The following ITPR2 variants were observed in gnomAD, a reference collection of about 807,000 sequenced individuals.
ITPR2 encodes inositol 1,4,5-trisphosphate-gated calcium channel ITPR2.
ITPR2 carries 207 observed loss-of-function variants against 317.1 expected under a neutral mutation model. The observed-to-expected ratio is 0.65, with a 90% CI of 0.58 to 0.73. The LOEUF (loss-of-function observed/expected upper bound fraction) is 0.73. Ranked by LOEUF, ITPR2 falls within the 30% of genes least tolerant of loss-of-function variation. The pLI is 0.00. For synonymous variants in ITPR2, 1,156 were observed against 1,149.1 expected (o/e 1.01, Z -0.12); for missense variants, 2,613 against 3,284.0 (o/e 0.80, Z 4.99).
chr12:26,464,784 C>T (rs1406783783), intron 45 of ITPR2, among the ~76,000 whole-genome samples: 3 of 152,158 alleles, frequency 2.0e-5, no homozygotes, highest in South Asian at 2.1e-4. Context: ...TCACAGCAGG[C>T]GTGGTGTGCC....
Position 26,715,301 on chromosome 12 carries a change from C to T in ITPR2, c.853G>A (p.Glu285Lys). Residue 285 changes from glutamate to lysine, a missense_variant and splice_region_variant, in exon 8 of 57, where the codon GAG (glutamate) becomes AAG (lysine). This residue lies in a region of ITPR2 where 515 missense variants were observed against 789.4 expected (regional missense o/e 0.65). Transcript: ENST00000381340. ...ATSSKALWEI[E>K]VVHHDPCRGG... ...AGTGCCAAAAAACATTTACATACCT[C>T]TATTTCCCAGAGTGCTTTAGAACTA... 1 of 1,610,762 alleles carries T rather than the reference C, an allele frequency of 6.2e-7. No individual in the cohort carries two copies. Among genetic ancestry groups the T allele is most frequent in the Non-Finnish European group, 8.5e-7 (1 of 1,178,560 alleles).
At position 26,401,759 on chromosome 12, in the gene ITPR2, C is replaced by T. The variant is rs751936533; in HGVS notation, c.7400-1501G>A. 4.9e-4 allele frequency among the ~76,000 whole-genome samples: 75 copies of T among 152,192 alleles called. 1 individual carries two copies. The highest frequency in any genetic ancestry group is 9.7e-4 in the Non-Finnish European group (66 of 68,050). On this transcript the variant is annotated intron_variant, in intron 52 of 56. Transcript: ENST00000381340. ...CATGCCTACAGTGCCTTTGATACTTCGTTAAGAAAAGGCTAATTTTCCTCT... is the reference window on the plus strand; with the variant it reads ...CATGCCTACAGTGCCTTTGATACTTTGTTAAGAAAAGGCTAATTTTCCTCT...
intron 13 of ITPR2, among the ~76,000 whole-genome samples, chr12:26,675,959 A>G (rs971718841): frequency 3.3e-5 from 5 of 152,042 alleles, no homozygotes; most frequent in African/African-American, 9.7e-5. Context: ...GGAGTTCAAC[A>G]CCAGCCTGGC....
At chr12:26,507,336 A>T (rs917401822) in intron 37 of ITPR2, among the ~76,000 whole-genome samples, 8 of 152,234 alleles carry the variant, frequency 5.3e-5, no homozygotes, top group African/African-American at 1.7e-4. Context: ...AAAGGGGCCA[A>T]GTACCAAATG....
rs185988761 is a variant in ITPR2 at position 26,670,075 on chromosome 12, T to G, written c.1410-4024A>C. ...CGAACTGGGTGAAGCCCACCACAGC[T>G]CAAGGAGGCCTGCCTGCCTCTGTAG... On this transcript the variant is annotated intron_variant, in intron 13 of 56. Coordinates refer to ENST00000381340, the MANE Select transcript of ITPR2 (RefSeq NM_002223.4). Among the ~76,000 whole-genome samples, 1,146 of 152,298 alleles carry G rather than the reference T, an allele frequency of 7.5e-3. 11 individuals are homozygous for G. Among genetic ancestry groups the G allele is most frequent in the African/African-American group, 0.023 (940 of 41,578 alleles).
At chr12:26,554,620 C>T (rs1042656081) in intron 36 of ITPR2, among the ~76,000 whole-genome samples, 1 of 152,106 alleles carries the variant, frequency 6.6e-6, no homozygotes, top group Non-Finnish European at 1.5e-5. Context: ...CTTGCCAACC[C>T]GTTCCAGGCT....
At chr12:26,401,781 C>A (rs147340218) in intron 52 of ITPR2, among the ~76,000 whole-genome samples, 4 of 152,328 alleles carry the variant, frequency 2.6e-5, no homozygotes, top group African/African-American at 9.6e-5. Context: ...GCTAATTTTC[C>A]TCTTCTGAGC....
chr12:26,506,932 T>C (rs1184690375), intron 37 of ITPR2, among the ~76,000 whole-genome samples: 1 of 150,554 alleles, frequency 6.6e-6, no homozygotes, highest in Non-Finnish European at 1.5e-5. Context: ...TGTTTGAATG[T>C]GTCATAATTT....
chr12:26,573,450 A>G lies in ITPR2; in HGVS notation c.4630+5263T>C, dbSNP rs562802459. Among the ~76,000 whole-genome samples the G allele has an allele frequency of 4.6e-5, 7 of 152,244 alleles. 1 individual carries two copies. Among genetic ancestry groups the G allele is most frequent in the African/African-American group, 1.7e-4 (7 of 41,542 alleles). ...GAAAGTTCCTCTTTTTATCATTTAC[A>G]TGCTAAAGGGGGGTGGGGCAGACAA... is the stretch of plus-strand genomic sequence containing the variant. On this transcript the variant is annotated intron_variant, in intron 34 of 56. Coordinates refer to ENST00000381340, the MANE Select transcript of ITPR2 (RefSeq NM_002223.4).
At chr12:26,371,480 C>G (rs76666698) in intron 55 of ITPR2, among the ~76,000 whole-genome samples, 1 of 152,268 alleles carries the variant, frequency 6.6e-6, no homozygotes, top group African/African-American at 2.4e-5. Flanking sequence ...GGTAACAACT[C>G]CACAGGCAAG....
chr12:26,808,666 T>C (rs1039433443), intron 1 of ITPR2, among the ~76,000 whole-genome samples: 3 of 152,168 alleles, frequency 2.0e-5, no homozygotes, highest in Admixed American at 2.0e-4. Context: ...ATGTAAAATC[T>C]TGCGGTTAGG....
chr12:26,570,963 G>C (rs1452977845), intron 34 of ITPR2, among the ~76,000 whole-genome samples: 1 of 152,096 alleles, frequency 6.6e-6, no homozygotes, highest in Non-Finnish European at 1.5e-5. Flanking sequence ...TTAGCTCATT[G>C]AGGGCAGAGG....
intron 9 of ITPR2, among the ~76,000 whole-genome samples, chr12:26,701,053 G>C (rs943831103): frequency 6.6e-6 from 1 of 152,232 alleles, no homozygotes; most frequent in Non-Finnish European, 1.5e-5. Flanking sequence ...GTAACAGAGA[G>C]AGAATACAGA....
chr12:26,671,376 G>C (rs1947767545), intron 13 of ITPR2, among the ~76,000 whole-genome samples: 1 of 152,192 alleles, frequency 6.6e-6, no homozygotes, highest in Non-Finnish European at 1.5e-5. Context: ...CAAGCCAGAA[G>C]ACAGTGGGGG....
At chr12:26,464,232 AC>A (rs1440547707) in intron 45 of ITPR2, among the ~76,000 whole-genome samples, 1 of 152,046 alleles carries the variant, frequency 6.6e-6, no homozygotes, top group African/African-American at 2.4e-5. Flanking sequence ...CATTATTTCT[AC>A]TATTATTACG....
chr12:26,742,934 A>G (rs1478939819), intron 2 of ITPR2, among the ~76,000 whole-genome samples: 2 of 152,220 alleles, frequency 1.3e-5, no homozygotes, highest in Admixed American at 6.5e-5. Flanking sequence ...TTCCATTTAC[A>G]TGAAATGTTC....
intron 15 of ITPR2, among the ~76,000 whole-genome samples, chr12:26,662,669 T>A (rs1385114524): frequency 6.6e-6 from 1 of 152,328 alleles, no homozygotes; most frequent in East Asian, 1.9e-4. Context: ...ATATTAAGCT[T>A]GTGTTTTGTT....
At chr12:26,602,596 G>C in intron 27 of ITPR2, 21 bp downstream of exon 27, 2 of 1,585,540 alleles carry the variant, frequency 1.3e-6, no homozygotes, top group Non-Finnish European at 1.7e-6. Flanking sequence ...ACCTATATAA[G>C]AATATTTTGT....
chr12:26,379,498 C>A (rs935030483), intron 55 of ITPR2, among the ~76,000 whole-genome samples: 1 of 152,150 alleles, frequency 6.6e-6, no homozygotes, highest in South Asian at 2.1e-4. Flanking sequence ...CAGTTATACC[C>A]AGTACCAATA....
Sources: gnomAD v4.1 joint callset for allele counts (sites outside exome capture counted in the v4.1 genomes callset) on GRCh38, gnomAD v4.1.1 for gene constraint, gnomAD v4.1.1 regional missense constraint, MANE v1.5 for transcripts, NCBI Gene and HGNC (gene_info 2026-07-23, HGNC 2026-07-21) for gene names.